BCCIP: variants seen among roughly 807,000 people sequenced by gnomAD.
The protein encoded by BCCIP is BRCA2 and CDKN1A interacting protein, also known as BRCA2 and CDKN1A-interacting protein.
A neutral mutation model predicts 32.8 loss-of-function variants in BCCIP; 23 were observed. That is an observed-to-expected ratio of 0.70 (90% CI 0.51 to 0.99). BCCIP has a LOEUF of 0.99. Among genes scored for constraint, BCCIP ranks in the 50% least tolerant of loss-of-function variants. BCCIP has a pLI of 0.00. For synonymous variants in BCCIP, 144 were observed against 137.6 expected (o/e 1.05, Z -0.33); for missense variants, 378 against 379.8 (o/e 1.00, Z 0.04).
intron 7 of BCCIP, among the ~76,000 whole-genome samples, chr10:125,851,793 C>T (rs1019580778): frequency 6.6e-6 from 1 of 151,874 alleles, no homozygotes; most frequent in Non-Finnish European, 1.5e-5. Flanking sequence ...TGGTGGCTTG[C>T]ACCTGTGGTC....
downstream of BCCIP, among the ~76,000 whole-genome samples, chr10:125,847,080 A>G (rs1454792474): frequency 6.6e-6 from 1 of 152,180 alleles, no homozygotes; most frequent in Non-Finnish European, 1.5e-5. Flanking sequence ...GGCATTGTGT[A>G]AAAGAGTCCA....
At chr10:125,852,213 A>T (rs1944099859) in intron 7 of BCCIP, 1 of 1,536,518 alleles carries the variant, frequency 6.5e-7, no homozygotes, top group Non-Finnish European at 8.8e-7. Flanking sequence ...GCTGCGCATC[A>T]TGTGAACTCA....
At position 125,851,490 on chromosome 10, in the gene BCCIP, C is replaced by A. The variant is rs544489129; in HGVS notation, c.851-1635C>A. On this transcript the variant is annotated intron_variant, in intron 7 of 7. Transcript: ENST00000368759. ...TTTCTAGTCCACCAAACATCTACTA[C>A]CCTGAGCAAGAAGATGCCTAGGAAA... Among the ~76,000 whole-genome samples, 35 of 152,326 alleles carry A rather than the reference C, an allele frequency of 2.3e-4. No homozygotes were observed. The South Asian group carries it at 5.0e-3, about 22-fold the overall frequency.
At chr10:125,835,514 G>T (rs1854651291) in intron 6 of BCCIP, among the ~76,000 whole-genome samples, 2 of 151,252 alleles carry the variant, frequency 1.3e-5, no homozygotes, top group Non-Finnish European at 2.9e-5. Flanking sequence ...GGGAGGCAGA[G>T]CTTGCGGTGA....
chr10:125,836,235 C>T lies in BCCIP; in HGVS notation c.906C>T (p.Asn302=), dbSNP rs772560768. 21 of 1,614,024 alleles carry T rather than the reference C, an allele frequency of 1.3e-5. No homozygotes were observed. The highest frequency in any genetic ancestry group is 1.6e-4 in the Middle Eastern group (1 of 6,084). Residue 302 remains asparagine, a synonymous_variant, in exon 7 of 7, where the codon AAC becomes AAT. Coordinates refer to ENST00000278100, the MANE Select transcript of BCCIP (RefSeq NM_078468.3). ...TGTTAATTCCAGGCGACAAGATGAA[C>T]GAAATCATGGATAAACTGAAAGAAT... ...TVMLIPGDKM[N]EIMDKLKEYL...
intron 2 of BCCIP, 56 bp downstream of exon 2, chr10:125,826,721 C>CG (rs1374622308): frequency 6.3e-7 from 1 of 1,597,624 alleles, no homozygotes; most frequent in African/African-American, 1.3e-5. Flanking sequence ...AATCAGGGGC[C>CG]GGGTGCAGTG....
downstream of BCCIP, among the ~76,000 whole-genome samples, chr10:125,846,195 C>T (rs893842718): frequency 6.6e-6 from 1 of 152,210 alleles, no homozygotes; most frequent in African/African-American, 2.4e-5. Context: ...ACTGTTCTTA[C>T]AGCCAGGAAG....
At chr10:125,823,790 T>G in intron 1 of BCCIP, 68 bp downstream of exon 1, 2 of 1,583,584 alleles carry the variant, frequency 1.3e-6, no homozygotes, top group Non-Finnish European at 1.7e-6. Context: ...CCAGGCTGTG[T>G]AAAAATAGTG....
intron 1 of BCCIP, chr10:125,826,317 T>C (rs934459840): frequency 1.0e-5 from 4 of 392,600 alleles, no homozygotes; most frequent in Non-Finnish European, 1.4e-5. Flanking sequence ...CCAGGGACTT[T>C]TGAAGTGATT....
In BCCIP at chr10:125,823,583, C is replaced by T. The variant is rs142892325; in HGVS notation, c.26C>T (p.Ala9Val). 2.3e-5 allele frequency: 37 copies of T among 1,613,894 alleles called. No individual in the cohort carries two copies. The African/African-American group carries it at 4.3e-4, about 19-fold the overall frequency. ...ATGGCGTCCAGGTCTAAGCGGCGTG[C>T]CGTGGAAAGTGGGGTTCCGCAGCCG... The part of the protein sequence containing the change: MASRSKRR[A>V]VESGVPQPPD... The change falls in exon 1 of 7, where the codon GCC becomes GTC. Residue 9 changes from alanine (A) to valine (V), a missense_variant. Coordinates refer to ENST00000278100, the MANE Select transcript of BCCIP (RefSeq NM_078468.3).
intron 6 of BCCIP, 149 bp downstream of exon 6, chr10:125,834,095 CAT>C: frequency 2.5e-6 from 2 of 816,016 alleles, no homozygotes; most frequent in Non-Finnish European, 3.8e-6. Context: ...TAGCAGCTAA[CAT>C]AGTGCCAGGT....
At chr10:125,841,780 A>G in exon 7 of BCCIP, 3 of 1,612,948 alleles carry the variant, frequency 1.9e-6, no homozygotes, top group African/African-American at 1.3e-5. Flanking sequence ...CTTCATCTAC[A>G]CAGTCAAATT....
Position 125,823,600 on chromosome 10 carries a change from C to G in BCCIP, c.43C>G (p.Pro15Ala). ...GCGGCGTGCCGTGGAAAGTGGGGTT[C>G]CGCAGCCGCCGGATCCCCCAGTCCA... ...SKRRAVESGV[P>A]QPPDPPVQRD... Residue 15 changes from proline (P) to alanine (A), a missense_variant, in exon 1 of 7, where the codon CCG becomes GCG. Physicochemically the swap from Pro to Ala is conservative, Grantham distance 27. Coordinates refer to ENST00000278100, the MANE Select transcript of BCCIP (RefSeq NM_078468.3). 6.2e-7 allele frequency: 1 copy of G among 1,614,018 alleles called. No homozygotes were observed. The highest frequency in any genetic ancestry group is 1.1e-5 in the South Asian group (1 of 91,078).
intron 7 of BCCIP, among the ~76,000 whole-genome samples, chr10:125,848,449 T>C (rs1178884217): frequency 2.0e-5 from 3 of 152,140 alleles, no homozygotes; most frequent in African/African-American, 4.8e-5. Context: ...AAAAGACAAG[T>C]GGCTTGCCAA....
downstream of BCCIP, among the ~76,000 whole-genome samples, chr10:125,837,330 A>C (rs960305716): frequency 2.6e-5 from 4 of 152,206 alleles, no homozygotes; most frequent in African/African-American, 9.7e-5. Context: ...GGAACCTTCA[A>C]AATGGATCCA....
chr10:125,841,726 A>G (rs765477262), exon 7 of BCCIP: 1 of 1,596,118 alleles, frequency 6.3e-7, no homozygotes, highest in Non-Finnish European at 8.5e-7. Context: ...AAGAAAAGGA[A>G]TAGTCATTAA....
At chr10:125,852,787 T>C in intron 7 of BCCIP, 1 of 759,330 alleles carries the variant, frequency 1.3e-6, no homozygotes. Context: ...TATTTATTAT[T>C]GTTTCACTTG....
chr10:125,839,630 T>C (rs1045642444), downstream of BCCIP, among the ~76,000 whole-genome samples: 5 of 152,122 alleles, frequency 3.3e-5, no homozygotes, highest in African/African-American at 1.2e-4. Flanking sequence ...TCTATGAAAA[T>C]ATCTCATATT....
chr10:125,836,213 T>C lies in BCCIP; in HGVS notation c.884T>C (p.Leu295Ser). 1 of 1,614,248 alleles carries C rather than the reference T, an allele frequency of 6.2e-7. No homozygotes were observed. The highest frequency in any genetic ancestry group is 8.5e-7 in the Non-Finnish European group (1 of 1,180,030). Residue 295 changes from leucine to serine, a missense_variant, in exon 7 of 7, where the codon TTA becomes TCA. By Grantham distance (145) the Leu-to-Ser change is moderately radical. Coordinates refer to ENST00000278100, the MANE Select transcript of BCCIP (RefSeq NM_078468.3). ...VPMTPLRTVM[L>S]IPGDKMNEIM... ...ATGACGCCCTTGCGAACTGTGATGT[T>C]AATTCCAGGCGACAAGATGAACGAA...
Sources: allele counts gnomAD v4.1 joint callset (sites outside exome capture counted in the v4.1 genomes callset), GRCh38; gene constraint gnomAD v4.1.1; transcripts MANE v1.5; gene names NCBI Gene and HGNC (gene_info 2026-07-23, HGNC 2026-07-21).